Variants in VIPR2 observed in about 807,000 individuals in gnomAD.
VIPR2 encodes vasoactive intestinal polypeptide receptor 2.
Under a neutral mutation model 58.0 loss-of-function variants are expected in VIPR2, and 48 were observed. The ratio of observed to expected loss-of-function variants is 0.83; its 90% CI spans 0.66 to 1.05. The LOEUF (loss-of-function observed/expected upper bound fraction) is 1.05, where lower values mean the gene tolerates loss of function less well. Among genes scored for constraint, VIPR2 ranks in the 50% least tolerant of loss-of-function variants. The pLI, the probability that VIPR2 is intolerant of heterozygous loss-of-function variation, is 0.00. For synonymous variants in VIPR2, 243 were observed against 235.2 expected, an observed-to-expected ratio of 1.03 and a Z score of -0.30; for missense variants, 534 against 558.0, an observed-to-expected ratio of 0.96 and a Z score of 0.43.
intron 4 of VIPR2, among the ~76,000 whole-genome samples, chr7:159,062,779 A>G (rs1855784018): frequency 6.6e-6 from 1 of 152,148 alleles, no homozygotes; most frequent in African/African-American, 2.4e-5. Context: ...GCCTGCTTTT[A>G]TTCCCTTATC....
chr7:159,054,068 C>T (rs1260602311), intron 5 of VIPR2, among the ~76,000 whole-genome samples: 1 of 152,178 alleles, frequency 6.6e-6, no homozygotes, highest in Admixed American at 6.5e-5. Context: ...CTCGAGGCCC[C>T]CACACATGCC....
intron 5 of VIPR2, among the ~76,000 whole-genome samples, chr7:159,049,321 C>A (rs1209561834): frequency 2.0e-5 from 3 of 152,220 alleles, no homozygotes; most frequent in African/African-American, 7.2e-5. Context: ...AGGAAAGGAT[C>A]AGGGTGATCC....
Position 159,036,902 on chromosome 7 carries a change from C to T in VIPR2, c.598G>A (p.Val200Met). Residue 200 changes from valine (V) to methionine (M), a missense_variant and splice_region_variant, in exon 7 of 13, where the codon GTG becomes ATG. Around this residue, in one of 3 missense-constraint regions of VIPR2, gnomAD observed 224 missense variants for 255.7 expected, o/e 0.88. Transcript: ENST00000262178. ...AAGACCAGGCTCAGCTTGCAGCCCA[C>T]CTGGAAACCGCAAACAGAGGAGAGG... ...LHCPDQPSSWVGCKLSLVFLQ... is the reference protein window; with the variant it reads ...LHCPDQPSSWMGCKLSLVFLQ... 1 of 1,610,710 alleles carries T rather than the reference C, an allele frequency of 6.2e-7. No individual in the cohort carries two copies. Among genetic ancestry groups the T allele is most frequent in the African/African-American group, 1.3e-5 (1 of 74,986 alleles).
rs1289369008 is a variant in VIPR2, at chr7:159,092,658, T to C, written c.357+11099A>G. 7.1e-4 allele frequency among the ~76,000 whole-genome samples: 107 copies of C among 150,714 alleles called. 1 individual carries two copies. The highest frequency in any genetic ancestry group is 2.3e-3 in the East Asian group (12 of 5,148). Reference sequence around the variant, plus strand: ...CTGTTTTCTTTTCTTTTCTTTTTTTTTTTTTTTTTTGAGACTGAGTCTCGC... The same window carrying C: ...CTGTTTTCTTTTCTTTTCTTTTTTTCTTTTTTTTTTGAGACTGAGTCTCGC... On this transcript the variant is annotated intron_variant, in intron 4 of 12. Transcript: ENST00000262178.
intron 5 of VIPR2, among the ~76,000 whole-genome samples, chr7:159,056,166 G>C (rs534104588): frequency 2.0e-5 from 3 of 152,198 alleles, no homozygotes; most frequent in Non-Finnish European, 4.4e-5. Flanking sequence ...TACTTGACAC[G>C]GTGCATATTA....
intron 4 of VIPR2, among the ~76,000 whole-genome samples, chr7:159,085,585 G>A (rs536446515): frequency 1.4e-3 from 215 of 152,270 alleles, no homozygotes; most frequent in African/African-American, 4.7e-3. Context: ...GTGGGCCACC[G>A]CGCCCGGCCT....
chr7:159,107,189 C>G (rs1482652302), intron 3 of VIPR2, among the ~76,000 whole-genome samples: 1 of 152,196 alleles, frequency 6.6e-6, no homozygotes, highest in African/African-American at 2.4e-5. Flanking sequence ...ACACCTGGCC[C>G]TACACCTGTG....
chr7:159,059,300 T>C, intron 4 of VIPR2: 1 of 471,340 alleles, frequency 2.1e-6, no homozygotes, highest in Non-Finnish European at 4.4e-6. Flanking sequence ...GGCATCATCA[T>C]CACTCGCCAC....
chr7:159,076,816 T>TA (rs869163314), intron 4 of VIPR2, among the ~76,000 whole-genome samples: 9 of 152,170 alleles, frequency 5.9e-5, no homozygotes, highest in African/African-American at 2.2e-4. Context: ...TTAGTTTTTT[T>TA]AAAAAAAGAA....
At chr7:159,042,123 C>T (rs73522256) in intron 6 of VIPR2, among the ~76,000 whole-genome samples, 295 of 152,298 alleles carry the variant, frequency 1.9e-3, no homozygotes, top group African/African-American at 6.5e-3. Flanking sequence ...TGGTTATAAA[C>T]GGCTTTACTA....
At chr7:159,076,222 G>A (rs1036540581) in intron 4 of VIPR2, among the ~76,000 whole-genome samples, 3 of 152,016 alleles carry the variant, frequency 2.0e-5, no homozygotes, top group Non-Finnish European at 4.4e-5. Context: ...GCCACTTTGG[G>A]GAACCTTTAA....
chr7:159,144,279 C>G (rs1328073303), intron 1 of VIPR2: 9 of 1,359,270 alleles, frequency 6.6e-6, no homozygotes, highest in Non-Finnish European at 7.6e-6. Context: ...CGCCACGTCC[C>G]CCCGACACTA....
At chr7:159,050,622 G>A (rs1006484883) in intron 5 of VIPR2, among the ~76,000 whole-genome samples, 3 of 151,936 alleles carry the variant, frequency 2.0e-5, no homozygotes, top group Non-Finnish European at 2.9e-5. Context: ...CTAGATTAAA[G>A]TAGAAACCAA....
intron 4 of VIPR2, among the ~76,000 whole-genome samples, chr7:159,062,051 A>C (rs1014264928): frequency 6.6e-6 from 1 of 152,128 alleles, no homozygotes; most frequent in African/African-American, 2.4e-5. Context: ...GCAGAGGGCG[A>C]GGTGTGGGGT....
intron 4 of VIPR2, among the ~76,000 whole-genome samples, chr7:159,068,220 G>A (rs770321346): frequency 2.0e-5 from 3 of 152,202 alleles, no homozygotes; most frequent in Admixed American, 6.5e-5. Context: ...CCTCACTTCC[G>A]TGAGGGGAGA....
intron 4 of VIPR2, among the ~76,000 whole-genome samples, chr7:159,102,900 C>T (rs1858387869): frequency 1.3e-5 from 2 of 152,256 alleles, no homozygotes; most frequent in Non-Finnish European, 2.9e-5. Flanking sequence ...GGAGCACACT[C>T]TGCACACACC....
At chr7:159,140,547 A>C (rs3812314) in intron 2 of VIPR2, among the ~76,000 whole-genome samples, 25,308 of 152,226 alleles carry the variant, frequency 0.17, 2,255 homozygotes, top group African/African-American at 0.23. Context: ...CAAAAAGGTA[A>C]AACAGATCAG....
At chr7:159,086,500 T>C (rs1224783057) in intron 4 of VIPR2, among the ~76,000 whole-genome samples, 2 of 152,168 alleles carry the variant, frequency 1.3e-5, no homozygotes, top group African/African-American at 4.8e-5. Context: ...GCCACATGGG[T>C]TTGCCCCCAG....
chr7:159,103,731 C>T (rs1054134377), intron 4 of VIPR2, 26 bp downstream of exon 4: 1 of 1,587,274 alleles, frequency 6.3e-7, no homozygotes, highest in African/African-American at 1.3e-5. Context: ...GGAACCTCAC[C>T]ACCGTAGCAC....
Sources: allele counts gnomAD v4.1 joint callset (sites outside exome capture counted in the v4.1 genomes callset), GRCh38; gene constraint gnomAD v4.1.1; regional missense constraint gnomAD v4.1.1; transcripts MANE v1.5; gene names NCBI Gene and HGNC (gene_info 2026-07-23, HGNC 2026-07-21).